Variants in ZZEF1 observed in about 807,000 individuals in gnomAD.
ZZEF1 encodes the protein zinc finger ZZ-type and EF-hand domain containing 1.
Under a neutral mutation model 342.8 loss-of-function variants are expected in ZZEF1, and 157 were observed. The observed-to-expected ratio is 0.46, with a 90% CI of 0.40 to 0.52. The LOEUF (loss-of-function observed/expected upper bound fraction) is 0.52, where lower values mean the gene tolerates loss of function less well. ZZEF1 is among the 20% of genes least tolerant of loss of function. The pLI, the probability that ZZEF1 is intolerant of heterozygous loss-of-function variation, is 0.00. For missense variants in ZZEF1, 3,480 were observed against 3,725.6 expected (o/e 0.93, Z 1.72); for synonymous variants, 1,505 against 1,429.1 (o/e 1.05, Z -1.20).
chr17:4,095,776 A>G (rs1476609713), intron 11 of ZZEF1, 55 bp downstream of exon 11: 16 of 1,537,028 alleles, frequency 1.0e-5, no homozygotes, highest in Non-Finnish European at 1.4e-5. Context: ...CTTATTAACT[A>G]CAAAGATTTT....
intron 9 of ZZEF1, among the ~76,000 whole-genome samples, chr17:4,100,278 G>A (rs1423443449): frequency 6.6e-6 from 1 of 152,210 alleles, no homozygotes; most frequent in African/African-American, 2.4e-5. Flanking sequence ...TGCAGCAAGA[G>A]AGACCGACAT....
chr17:4,061,975 T>C (rs1468364054), intron 30 of ZZEF1, among the ~76,000 whole-genome samples: 2 of 152,196 alleles, frequency 1.3e-5, no homozygotes, highest in Non-Finnish European at 2.9e-5. Context: ...AAATCTCCAG[T>C]GGTTTCCCAA....
intron 37 of ZZEF1, 45 bp downstream of exon 37, chr17:4,049,663 T>G: frequency 6.2e-7 from 1 of 1,611,308 alleles, no homozygotes; most frequent in East Asian, 2.2e-5. Flanking sequence ...TGGCTCTCTC[T>G]AGAGTTCAAC....
In ZZEF1 at chr17:4,075,394, C is replaced by T. The variant is rs1277892690; in HGVS notation, c.3270G>A (p.Val1090=). 1 of 1,614,116 alleles carries T rather than the reference C, an allele frequency of 6.2e-7. No homozygotes were observed. The highest frequency in any genetic ancestry group is 1.7e-5 in the Admixed American group (1 of 60,016). ...ATTCCTTCGTCCACGTATGTAACAC[C>T]ACAGGCTGTTCCTGTTGCCAGGTCT... is the stretch of plus-strand genomic sequence containing the variant. The part of the protein sequence containing the change: ...DVETWQQEQP[V]VLHTWTKESA... The change falls in exon 22 of 55, where the codon GTG becomes GTA. Residue 1090 remains valine, a synonymous_variant. Coordinates refer to ENST00000381638, the MANE Select transcript of ZZEF1 (RefSeq NM_015113.4).
rs2056106311 is a variant in ZZEF1, at chr17:4,016,526, G to C, written c.8002-60C>G. 4.5e-6 allele frequency: 7 copies of C among 1,548,028 alleles called. No homozygotes were observed. The highest frequency in any genetic ancestry group is 6.1e-6 in the Non-Finnish European group (7 of 1,155,866). ...CAAGTGGCATCAGGAAGAAGGGACAGTTTACTTCAACCCAAGCTCCACCCA... is the reference window on the plus strand; with the variant it reads ...CAAGTGGCATCAGGAAGAAGGGACACTTTACTTCAACCCAAGCTCCACCCA... On this transcript the variant is annotated intron_variant, in intron 48 of 54. Transcript: ENST00000381638. This position sits in a 1 kb window ranked among gnomAD's most constrained non-coding sequence, Gnocchi z 4.4.
At chr17:4,013,111 T>C (rs1216765345) in intron 52 of ZZEF1, among the ~76,000 whole-genome samples, 1 of 149,320 alleles carries the variant, frequency 6.7e-6, no homozygotes, top group East Asian at 2.0e-4. Context: ...AAAAAATCTA[T>C]AGAATCAAGT....
At chr17:4,073,605 T>A (rs189844921) in intron 24 of ZZEF1, among the ~76,000 whole-genome samples, 1 of 152,206 alleles carries the variant, frequency 6.6e-6, no homozygotes, top group Non-Finnish European at 1.5e-5. Flanking sequence ...CTGGCTAATT[T>A]TTACATTTTT....
rs1567762907 is a variant in ZZEF1 at position 4,017,100 on chromosome 17, G to A, written c.8001+271C>T. 1.1e-5 allele frequency: 5 copies of A among 440,484 alleles called. No individual in the cohort carries two copies. Among genetic ancestry groups the A allele is most frequent in the East Asian group, 4.1e-5 (1 of 24,156 alleles). 27.3% of individuals were successfully genotyped at this position (440,484 alleles called of 1,614,324 possible). On this transcript the variant is annotated intron_variant, in intron 48 of 54. Transcript: ENST00000381638. This position sits in a 1 kb window ranked among gnomAD's most constrained non-coding sequence, Gnocchi z 5.1. ...GGGACAGGATCAAAAAGGAGCTACCGAATGTGCCTCAAGATTTCTGCACTT... is the reference window on the plus strand; with the variant it reads ...GGGACAGGATCAAAAAGGAGCTACCAAATGTGCCTCAAGATTTCTGCACTT...
chr17:4,079,654 T>C (rs1435323050), intron 18 of ZZEF1, among the ~76,000 whole-genome samples: 1 of 152,182 alleles, frequency 6.6e-6, no homozygotes, highest in Non-Finnish European at 1.5e-5. Flanking sequence ...TCTAAATTAA[T>C]ACTAGATCTA....
chr17:4,024,775 G>A (rs565274938), intron 43 of ZZEF1, 144 bp downstream of exon 43: 9 of 785,298 alleles, frequency 1.1e-5, no homozygotes, highest in Non-Finnish European at 1.9e-5. Flanking sequence ...TTATCTGTGT[G>A]TAAGGCCCAC....
chr17:4,030,722 G>A (rs910723962), intron 42 of ZZEF1, among the ~76,000 whole-genome samples: 3 of 152,168 alleles, frequency 2.0e-5, no homozygotes, highest in Non-Finnish European at 2.9e-5. Context: ...AGGTGTAAGC[G>A]ACTGCGCCTG....
intron 43 of ZZEF1, among the ~76,000 whole-genome samples, chr17:4,024,185 G>GTTTTTTTT (rs1491483468): frequency 1.2e-5 from 1 of 83,976 alleles, no homozygotes; most frequent in African/African-American, 7.1e-5. Context: ...ATATTGCCCA[G>GTTTTTTTT]GTTTTTTTTT....
chr17:4,046,640 A>G (rs12603448), intron 37 of ZZEF1, among the ~76,000 whole-genome samples: 25,803 of 152,192 alleles, frequency 0.17, 2,466 homozygotes, highest in East Asian at 0.27. Context: ...CTGTCCTAAG[A>G]GAGGAATGAA....
At position 4,070,798 on chromosome 17, in the gene ZZEF1, G is replaced by A. The variant is rs369525034; in HGVS notation, c.3961C>T (p.Gln1321Ter). The change falls in exon 26 of 55, where the codon CAG becomes TAG. Residue 1321 changes from glutamine (Q) to a stop codon, truncating the protein, a stop_gained. Coordinates refer to ENST00000381638, the MANE Select transcript of ZZEF1 (RefSeq NM_015113.4). LOFTEE classifies it high-confidence loss of function. ...FKGFIQACRK[Q>*]APKTDIVAGS... The stretch of plus-strand genomic sequence containing the variant: ...GCAACTATATCTGTCTTTGGGGCCT[G>A]TTTTCTACATGCCTGTATGAATCCT... 2 of 1,614,022 alleles carry A rather than the reference G, an allele frequency of 1.2e-6. No individual in the cohort carries two copies. The highest frequency in any genetic ancestry group is 1.7e-6 in the Non-Finnish European group (2 of 1,180,048).
In ZZEF1 at chr17:4,123,967, T is replaced by C; in HGVS notation, c.439A>G (p.Asn147Asp). 1 of 1,614,026 alleles carries C rather than the reference T, an allele frequency of 6.2e-7. No homozygotes were observed. Among genetic ancestry groups the C allele is most frequent in the Non-Finnish European group, 8.5e-7 (1 of 1,179,996 alleles). Residue 147 changes from asparagine to aspartate, a missense_variant, in exon 2 of 55, where the codon AAT (asparagine) becomes GAT (aspartate). This residue lies in a region of ZZEF1 where 416 missense variants were observed against 374.2 expected (regional missense o/e 1.11). Coordinates refer to ENST00000381638, the MANE Select transcript of ZZEF1 (RefSeq NM_015113.4). ...ATGTGGCTCAGCTCCCCCTGAAGAT[T>C]AGCTCCACTGGAATTCTTGAGGGCC... ...LEALKNSSGA[N>D]LQGELSHIIR...
intron 33 of ZZEF1, among the ~76,000 whole-genome samples, 172 bp from the exon 34 acceptor site, chr17:4,054,367 G>A (rs1411398624): frequency 6.6e-6 from 1 of 152,214 alleles, no homozygotes; most frequent in East Asian, 1.9e-4. Context: ...CATCAAGGAG[G>A]TGATGACCAT....
intron 54 of ZZEF1, among the ~76,000 whole-genome samples, chr17:4,007,994 T>A (rs2055849180): frequency 6.6e-6 from 1 of 151,854 alleles, no homozygotes; most frequent in African/African-American, 2.4e-5. Context: ...GCGATGATAT[T>A]CAAGGAGTCC....
intron 1 of ZZEF1, among the ~76,000 whole-genome samples, chr17:4,138,243 A>G (rs1186523711): frequency 6.6e-6 from 1 of 152,204 alleles, no homozygotes; most frequent in African/African-American, 2.4e-5. Flanking sequence ...CTTACAGTCA[A>G]TAGTCTTAAA....
chr17:4,044,112 C>T (rs1430555080), intron 38 of ZZEF1, 112 bp downstream of exon 38: 8 of 1,191,406 alleles, frequency 6.7e-6, no homozygotes, highest in Admixed American at 2.2e-5. Context: ...TGAGAAACCA[C>T]GCACCCCTGG....
Sources: gnomAD v4.1 joint callset for allele counts (sites outside exome capture counted in the v4.1 genomes callset) on GRCh38, gnomAD v4.1.1 for gene constraint, gnomAD v4.1.1 regional missense constraint, Gnocchi (gnomAD v3.1) non-coding constraint, MANE v1.5 for transcripts, NCBI Gene and HGNC (gene_info 2026-07-23, HGNC 2026-07-21) for gene names.